The following EPB41L4B variants were observed in gnomAD, a reference collection of about 807,000 sequenced individuals.
EPB41L4B encodes band 4.1-like protein 4B.
Under a neutral mutation model 112.5 loss-of-function variants are expected in EPB41L4B, and 30 were observed. The observed-to-expected ratio is 0.27, with a 90% confidence interval of 0.20 to 0.36. The LOEUF is 0.36. EPB41L4B is among the 10% of genes least tolerant of loss of function. The pLI, the probability that EPB41L4B is intolerant of heterozygous loss-of-function variation, is 1.00. For missense variants in EPB41L4B, 1,024 were observed against 1,133.3 expected, an observed-to-expected ratio of 0.90 and a Z score of 1.38; for synonymous variants, 408 against 439.7, an observed-to-expected ratio of 0.93 and a Z score of 0.90.
At chr9:109,233,624 G>A (rs1018604267) in intron 15 of EPB41L4B, among the ~76,000 whole-genome samples, 7 of 149,978 alleles carry the variant, frequency 4.7e-5, no homozygotes, top group Admixed American at 2.0e-4. Context: ...TCCGCCTCCC[G>A]GGTTCAAGCG....
intron 20 of EPB41L4B, among the ~76,000 whole-genome samples, chr9:109,197,886 T>TTA (rs1490833294): frequency 6.6e-6 from 1 of 151,528 alleles, no homozygotes; most frequent in African/African-American, 2.4e-5. Context: ...TCCTTCCAGG[T>TTA]TATATATCAG....
chr9:109,241,786 G>A (rs368537840), intron 15 of EPB41L4B: 23 of 1,614,008 alleles, frequency 1.4e-5, no homozygotes, highest in Non-Finnish European at 1.7e-5. Flanking sequence ...TTTCCAATGC[G>A]ACCTGTCATC....
intron 1 of EPB41L4B, among the ~76,000 whole-genome samples, chr9:109,284,904 T>C (rs1291018128): frequency 6.6e-6 from 1 of 152,232 alleles, no homozygotes; most frequent in Non-Finnish European, 1.5e-5. Context: ...TTAGAGAATC[T>C]GCTAGTGGGA....
rs547876221 is a variant in EPB41L4B at position 109,247,973 on chromosome 9, C to T, written c.1311-184G>A. On this transcript the variant is annotated intron_variant, in intron 13 of 25. Transcript: ENST00000374566. ...AAAATGAACATATAACAAGGAAAAC[C>T]CCAGACAGCAACTTTCACTTGTCCT... Among the ~76,000 whole-genome samples, 33 of 152,214 alleles carry T rather than the reference C, an allele frequency of 2.2e-4. No individual in the cohort carries two copies. The East Asian group carries it at 3.3e-3, about 15-fold the overall frequency.
intron 15 of EPB41L4B, among the ~76,000 whole-genome samples, chr9:109,242,488 ATCTCT>A (rs1465230808): frequency 6.6e-6 from 1 of 152,254 alleles, no homozygotes. Flanking sequence ...GTTTCTAGAA[ATCTCT>A]TCTGTTTCTT....
chr9:109,234,079 A>G (rs937826474), intron 15 of EPB41L4B, among the ~76,000 whole-genome samples: 1 of 145,182 alleles, frequency 6.9e-6, no homozygotes, highest in African/African-American at 2.5e-5. Context: ...GAAATTCTGG[A>G]TTTTACCCAT....
intron 15 of EPB41L4B, among the ~76,000 whole-genome samples, chr9:109,228,757 A>G (rs886217843): frequency 6.6e-6 from 1 of 152,212 alleles, no homozygotes; most frequent in Non-Finnish European, 1.5e-5. Context: ...GAGCATCTAC[A>G]AAACTTTGGA....
intron 24 of EPB41L4B, among the ~76,000 whole-genome samples, chr9:109,182,383 G>C (rs983913189): frequency 2.0e-5 from 3 of 152,196 alleles, no homozygotes; most frequent in African/African-American, 7.2e-5. Context: ...AATGCAGACT[G>C]GTGGTTGCCA....
chr9:109,237,988 A>G (rs1224402230), intron 15 of EPB41L4B, among the ~76,000 whole-genome samples: 2 of 151,928 alleles, frequency 1.3e-5, no homozygotes, highest in Non-Finnish European at 2.9e-5. Context: ...TCTCATGGAG[A>G]TATGGATCCC....
intron 22 of EPB41L4B, among the ~76,000 whole-genome samples, chr9:109,191,689 C>A (rs1309205915): frequency 6.6e-6 from 1 of 152,194 alleles, no homozygotes; most frequent in South Asian, 2.1e-4. Context: ...AAGGGAATCT[C>A]ATCACTCTTG....
chr9:109,237,204 T>C (rs1834177337), intron 15 of EPB41L4B, among the ~76,000 whole-genome samples: 1 of 152,216 alleles, frequency 6.6e-6, no homozygotes, highest in South Asian at 2.1e-4. Context: ...CCTCCATCTT[T>C]GTGGTTAAGG....
In EPB41L4B at chr9:109,306,413, A is replaced by C. The variant is rs147966150; in HGVS notation, c.306+13728T>G. Reference sequence around the variant, plus strand: ...TGGATCACCTGAGGTCAGGAGTTTGAGACCAGCCTGCCCAATATGGCAAAA... The same window carrying C: ...TGGATCACCTGAGGTCAGGAGTTTGCGACCAGCCTGCCCAATATGGCAAAA... On this transcript the variant is annotated intron_variant, in intron 1 of 25. Transcript: ENST00000374566. Among the ~76,000 whole-genome samples the C allele has an allele frequency of 1.6e-4, 25 of 152,266 alleles. No individual in the cohort carries two copies. The East Asian group carries it at 4.6e-3, about 28-fold the overall frequency.
intron 2 of EPB41L4B, among the ~76,000 whole-genome samples, chr9:109,275,947 G>GA (rs1835798225): frequency 6.6e-6 from 1 of 151,822 alleles, no homozygotes; most frequent in Non-Finnish European, 1.5e-5. Context: ...GGCTAAAAAA[G>GA]AAGGTTCTAG....
intron 15 of EPB41L4B, among the ~76,000 whole-genome samples, chr9:109,233,378 A>C: frequency 6.6e-6 from 1 of 152,128 alleles, no homozygotes; most frequent in South Asian, 2.1e-4. Flanking sequence ...GCCTGAGTGG[A>C]AAGTTATCAA....
intron 2 of EPB41L4B, among the ~76,000 whole-genome samples, chr9:109,275,870 T>C (rs1339811937): frequency 2.0e-5 from 3 of 152,064 alleles, no homozygotes; most frequent in South Asian, 2.1e-4. Context: ...GGTTTCACCA[T>C]CTAGAAGATG....
intron 15 of EPB41L4B, among the ~76,000 whole-genome samples, chr9:109,227,962 A>C (rs1192858098): frequency 6.6e-6 from 1 of 152,180 alleles, no homozygotes; most frequent in African/African-American, 2.4e-5. Flanking sequence ...CACTTTGCAC[A>C]ACTCTTACCA....
rs1460708519 is a variant in EPB41L4B, at chr9:109,174,399, T to C, written c.*155A>G. The C allele has an allele frequency of 3.0e-6, 2 of 677,926 alleles. No homozygotes were observed. Among genetic ancestry groups the C allele is most frequent in the Non-Finnish European group, 5.3e-6 (2 of 376,718 alleles). The allele number at this position is 677,926 out of a possible 1,614,324, so 42.0% of individuals were successfully genotyped here. Reference sequence around the variant, plus strand: ...AGGAGACATAAAATAACTTTTCCCATAAAAGTCAAGCCAGAAATTGGCTTC... The same window carrying C: ...AGGAGACATAAAATAACTTTTCCCACAAAAGTCAAGCCAGAAATTGGCTTC... On this transcript the variant is annotated 3_prime_UTR_variant, in exon 26 of 26. Transcript: ENST00000374566.
At chr9:109,247,820 AAAAAAG>A (rs1564292049) in intron 13 of EPB41L4B, 31 bp from the exon 14 acceptor site, 1 of 1,454,956 alleles carries the variant, frequency 6.9e-7, no homozygotes, top group Non-Finnish European at 9.2e-7. Flanking sequence ...AAAACAGAAA[AAAAAAG>A]AAAAATAGGT....
At chr9:109,214,357 T>C (rs962872921) in intron 16 of EPB41L4B, among the ~76,000 whole-genome samples, 3 of 152,212 alleles carry the variant, frequency 2.0e-5, no homozygotes, top group African/African-American at 7.2e-5. Flanking sequence ...AAATATTAAA[T>C]ATTCATTACA....
Sources: allele counts gnomAD v4.1 joint callset (sites outside exome capture counted in the v4.1 genomes callset), GRCh38; gene constraint gnomAD v4.1.1; transcripts MANE v1.5; gene names NCBI Gene and HGNC (gene_info 2026-07-23, HGNC 2026-07-21).